The following BCAP29 variants were observed in gnomAD, a reference collection of about 807,000 sequenced individuals.
BCAP29 encodes B cell receptor associated protein 29, also known as B-cell receptor-associated protein 29.
BCAP29 carries 34 observed loss-of-function variants against 31.8 expected under a neutral mutation model. That is an observed-to-expected ratio of 1.07 (90% CI 0.81 to 1.42). The LOEUF is 1.42. Ranked by LOEUF, BCAP29 falls within the 40% of genes most tolerant of loss-of-function variation. The pLI is 0.00. For synonymous variants in BCAP29, 104 were observed against 91.3 expected, an observed-to-expected ratio of 1.14 and a Z score of -0.79; for missense variants, 314 against 269.2, an observed-to-expected ratio of 1.17 and a Z score of -1.16.
intron 6 of BCAP29, among the ~76,000 whole-genome samples, chr7:107,611,953 G>A (rs962643068): frequency 2.6e-5 from 4 of 152,070 alleles, no homozygotes; most frequent in Non-Finnish European, 4.4e-5. Context: ...AGTGACTACC[G>A]TATTGACAAC....
intron 3 of BCAP29, among the ~76,000 whole-genome samples, chr7:107,590,806 G>A (rs1245003327): frequency 6.8e-6 from 1 of 146,260 alleles, no homozygotes; most frequent in Non-Finnish European, 1.5e-5. Flanking sequence ...GTGACAAAGC[G>A]AGACCCTGTC....
At chr7:107,594,657 G>C (rs1045575839) in intron 4 of BCAP29, among the ~76,000 whole-genome samples, 1 of 151,918 alleles carries the variant, frequency 6.6e-6, no homozygotes, top group South Asian at 2.1e-4. Context: ...GCCTGCCACT[G>C]TGCCCTGCTA....
chr7:107,618,656 T>G lies in BCAP29; in HGVS notation c.*293T>G. The G allele has an allele frequency of 7.2e-7, 1 of 1,379,942 alleles. No individual in the cohort carries two copies. The allele number at this position is 1,379,942 out of a possible 1,614,324, so 85.5% of individuals were successfully genotyped here. A position where few individuals can be genotyped will look rare whatever the true frequency, so the allele number is the denominator to read the frequency against. ...TTTACCAATAAAAGGAAAAAATTCA[T>G]TAACCGGTTGCTTCCAAAATTAGAA... On this transcript the variant is annotated 3_prime_UTR_variant, in exon 8 of 8. Transcript: ENST00000005259.
At chr7:107,608,066 G>A (rs1433325907) in intron 6 of BCAP29, among the ~76,000 whole-genome samples, 2 of 151,972 alleles carry the variant, frequency 1.3e-5, no homozygotes, top group Non-Finnish European at 2.9e-5. Flanking sequence ...TGATCACCTG[G>A]CTAAAATAGT....
chr7:107,614,144 G>T (rs1813712070), intron 7 of BCAP29, among the ~76,000 whole-genome samples: 2 of 152,158 alleles, frequency 1.3e-5, no homozygotes, highest in Admixed American at 6.5e-5. Context: ...CAGACTGGTT[G>T]GGCTTGTCTT....
intron 6 of BCAP29, among the ~76,000 whole-genome samples, chr7:107,601,718 T>C (rs1811214947): frequency 6.6e-6 from 1 of 152,254 alleles, no homozygotes; most frequent in Non-Finnish European, 1.5e-5. Flanking sequence ...ACTAGTGTTC[T>C]TTTTTAACCC....
chr7:107,580,567 C>T (rs539373040), intron 1 of BCAP29, 192 bp from the exon 2 acceptor site: 4 of 505,656 alleles, frequency 7.9e-6, no homozygotes, highest in Middle Eastern at 5.0e-4. Context: ...GTTCCCACGA[C>T]TCCCAGGGAG....
chr7:107,599,259 T>TA (rs1284410374), intron 5 of BCAP29, among the ~76,000 whole-genome samples: 6 of 120,072 alleles, frequency 5.0e-5, no homozygotes, highest in African/African-American at 2.2e-4. Context: ...ATATATAATT[T>TA]TTATATATAT....
At chr7:107,587,480 A>G (rs755041100) in intron 3 of BCAP29, 2 of 152,204 alleles carry the variant, frequency 1.3e-5, no homozygotes, top group Non-Finnish European at 2.9e-5. Flanking sequence ...CACGAAGCAT[A>G]ATGATCCTTC....
downstream of BCAP29, chr7:107,622,666 A>G (rs975973378): frequency 2.6e-5 from 4 of 152,250 alleles, no homozygotes; most frequent in African/African-American, 9.6e-5. Flanking sequence ...CTCAACAGGA[A>G]GTGAAGAGGT....
intron 2 of BCAP29, 58 bp downstream of exon 2, chr7:107,580,922 G>A: frequency 1.5e-6 from 2 of 1,337,026 alleles, no homozygotes; most frequent in Non-Finnish European, 2.0e-6. Context: ...ATGTAAAATG[G>A]AAAAAGTTTT....
chr7:107,588,265 TAA>T (rs2129220716), intron 3 of BCAP29, among the ~76,000 whole-genome samples: 1 of 152,292 alleles, frequency 6.6e-6, no homozygotes, highest in Admixed American at 6.5e-5. Context: ...AAGGATTTTT[TAA>T]GTTTTAGAGT....
intron 5 of BCAP29, 51 bp from the exon 6 acceptor site, chr7:107,600,346 C>A (rs537389042): frequency 9.4e-7 from 1 of 1,061,294 alleles, no homozygotes; most frequent in African/African-American, 1.6e-5. Flanking sequence ...GTAAGAATGT[C>A]TGGCTATTGC....
At chr7:107,590,711 C>G (rs937405941) in intron 3 of BCAP29, among the ~76,000 whole-genome samples, 2 of 151,370 alleles carry the variant, frequency 1.3e-5, no homozygotes, top group African/African-American at 4.9e-5. Context: ...CCCAGCTACT[C>G]AAAAGGCTGA....
chr7:107,615,597 GA>G (rs1040214863), intron 7 of BCAP29: 2,242 of 196,968 alleles, frequency 0.011, no homozygotes, highest in South Asian at 0.025. Context: ...CTCCATCTCA[GA>G]AAAAAAAAAA....
At chr7:107,597,336 G>T (rs866919296) in intron 5 of BCAP29, among the ~76,000 whole-genome samples, 3 of 151,908 alleles carry the variant, frequency 2.0e-5, no homozygotes, top group African/African-American at 7.3e-5. Flanking sequence ...TTGGCCTCCA[G>T]AAGTGCTGGG....
chr7:107,623,232 AAT>A (rs1282300401), downstream of BCAP29: 1 of 152,186 alleles, frequency 6.6e-6, no homozygotes, highest in African/African-American at 2.4e-5. Flanking sequence ...AAAAGCCATA[AAT>A]ATGTTTGTCC....
At chr7:107,592,450 T>C (rs740085) in intron 3 of BCAP29, among the ~76,000 whole-genome samples, 3,580 of 152,256 alleles carry the variant, frequency 0.024, 142 homozygotes, top group African/African-American at 0.081. Flanking sequence ...TTGCTGAGGA[T>C]ATGGAGAAAT....
chr7:107,598,612 A>G (rs1225155701), intron 5 of BCAP29, among the ~76,000 whole-genome samples: 1 of 152,148 alleles, frequency 6.6e-6, no homozygotes, highest in Non-Finnish European at 1.5e-5. Flanking sequence ...TTACATTGTA[A>G]AAATATTTGC....
Sources: gnomAD v4.1 joint callset for allele counts (sites outside exome capture counted in the v4.1 genomes callset) on GRCh38, gnomAD v4.1.1 for gene constraint, MANE v1.5 for transcripts, NCBI Gene and HGNC (gene_info 2026-07-23, HGNC 2026-07-21) for gene names.